The following CATSPERB variants were observed in gnomAD, a reference collection of about 807,000 sequenced individuals.
CATSPERB encodes cation channel sperm-associated auxiliary subunit beta.
Under a neutral mutation model 128.3 loss-of-function variants are expected in CATSPERB, and 93 were observed. That is an observed-to-expected ratio of 0.72 (90% confidence interval 0.61 to 0.86). CATSPERB has a LOEUF of 0.86. CATSPERB is among the 40% of genes least tolerant of loss of function. The pLI, the probability that CATSPERB is intolerant of heterozygous loss-of-function variation, is 0.00. For missense variants in CATSPERB, 1,153 were observed against 1,329.5 expected (o/e 0.87, Z 2.06); for synonymous variants, 381 against 448.8 (o/e 0.85, Z 1.91).
At chr14:91,608,870 G>GT (rs916501177) in intron 21 of CATSPERB, among the ~76,000 whole-genome samples, 14 of 152,126 alleles carry the variant, frequency 9.2e-5, no homozygotes, top group African/African-American at 3.4e-4. Flanking sequence ...CAACACAGGG[G>GT]TTAGGGGTGC....
At chr14:91,621,572 T>C (rs1894041994) in intron 19 of CATSPERB, 36 bp downstream of exon 19, 1 of 1,427,184 alleles carries the variant, frequency 7.0e-7, no homozygotes. Context: ...AGAAATAACA[T>C]TTCCTTTTTA....
intron 22 of CATSPERB, chr14:91,603,041 C>T (rs376511640): frequency 1.5e-4 from 121 of 780,706 alleles, no homozygotes; most frequent in East Asian, 9.0e-4. Context: ...TGTGCCTTTG[C>T]CTGTGTCTTT....
At position 91,615,424 on chromosome 14, in the gene CATSPERB, T is replaced by C. The variant is rs1441816725; in HGVS notation, c.2400+2173A>G. On this transcript the variant is annotated intron_variant, in intron 20 of 26. Coordinates refer to ENST00000256343, the MANE Select transcript of CATSPERB (RefSeq NM_024764.4). ...AAACTGGTTCCTGGTGCCAAAAAGGTTGGAGACCACTGTTGTACCCCTTGA... is the reference window on the plus strand; with the variant it reads ...AAACTGGTTCCTGGTGCCAAAAAGGCTGGAGACCACTGTTGTACCCCTTGA... Among the ~76,000 whole-genome samples, 7 of 152,320 alleles carry C rather than the reference T, an allele frequency of 4.6e-5. No homozygotes were observed. In the East Asian group the frequency reaches 1.2e-3, roughly 25 times the overall value.
chr14:91,657,884 G>A (rs1487699340), intron 15 of CATSPERB, among the ~76,000 whole-genome samples: 3 of 152,148 alleles, frequency 2.0e-5, no homozygotes, highest in African/African-American at 7.2e-5. Context: ...TGCTGGTGAG[G>A]ATGTGGAGAA....
chr14:91,686,513 A>T (rs1895378016), intron 10 of CATSPERB, among the ~76,000 whole-genome samples: 1 of 152,130 alleles, frequency 6.6e-6, no homozygotes, highest in Admixed American at 6.6e-5. Context: ...ACTCTTAAAA[A>T]TAATTTCACT....
At chr14:91,604,951 C>T in intron 22 of CATSPERB, 1 of 1,179,786 alleles carries the variant, frequency 8.5e-7, no homozygotes, top group Non-Finnish European at 1.3e-6. Context: ...CTTGCATCTG[C>T]TGGAGGCTGA....
chr14:91,587,074 C>T (rs1595135298), intron 26 of CATSPERB, 128 bp downstream of exon 26: 1 of 660,304 alleles, frequency 1.5e-6, no homozygotes, highest in Non-Finnish European at 2.6e-6. Flanking sequence ...CCTTCAGGAT[C>T]CCCTGTCTTT....
intron 10 of CATSPERB, among the ~76,000 whole-genome samples, chr14:91,689,147 AG>A (rs2139843338): frequency 6.6e-6 from 1 of 152,318 alleles, no homozygotes; most frequent in South Asian, 2.1e-4. Flanking sequence ...AGGCACAGGG[AG>A]AATGCAGCTC....
In CATSPERB at chr14:91,704,558, C is replaced by T; in HGVS notation, c.610G>A (p.Val204Ile). ...ALLGFIVDTIVDGVYIGITFG... is the reference protein window; with the variant it reads ...ALLGFIVDTIIDGVYIGITFG... ...AATGAAGCTGTAGACCTACCATCAA[C>T]TATTGTATCCACAATGAAGCCTAGT... Residue 204 changes from valine to isoleucine, a missense_variant, in exon 7 of 27, where the codon GTT becomes ATT. By Grantham distance (29) the Val-to-Ile change is conservative (BLOSUM62 3). Transcript: ENST00000256343. 1 of 1,612,016 alleles carries T rather than the reference C, an allele frequency of 6.2e-7. No homozygotes were observed. The highest frequency in any genetic ancestry group is 1.1e-5 in the South Asian group (1 of 90,426).
chr14:91,674,302 T>C, intron 11 of CATSPERB, 80 bp from the exon 12 acceptor site: 1 of 778,184 alleles, frequency 1.3e-6, no homozygotes, highest in Non-Finnish European at 2.1e-6. Context: ...TTAATAGTCT[T>C]CATGAAAATC....
chr14:91,650,585 C>G (rs1380818254), intron 15 of CATSPERB, among the ~76,000 whole-genome samples: 1 of 152,112 alleles, frequency 6.6e-6, no homozygotes, highest in South Asian at 2.1e-4. Flanking sequence ...TTTCCCATTT[C>G]GAAGAGTGTT....
chr14:91,600,265 G>A (rs1178412740), intron 22 of CATSPERB, among the ~76,000 whole-genome samples: 1 of 151,942 alleles, frequency 6.6e-6, no homozygotes, highest in South Asian at 2.1e-4. Context: ...CCACATTCTC[G>A]CCAACAATTA....
chr14:91,722,249 G>A (rs1896047672), intron 4 of CATSPERB, among the ~76,000 whole-genome samples: 1 of 152,178 alleles, frequency 6.6e-6, no homozygotes, highest in Non-Finnish European at 1.5e-5. Context: ...AATGTTCACA[G>A]CAGCATTATT....
At position 91,608,346 on chromosome 14, in the gene CATSPERB, T is replaced by C. The variant is rs1265157715; in HGVS notation, c.2657A>G (p.Tyr886Cys). The change falls in exon 22 of 27, where the codon TAT becomes TGT. Residue 886 changes from tyrosine to cysteine, a missense_variant. Tyr to Cys is a radical substitution (Grantham distance 194, BLOSUM62 -2). Transcript: ENST00000256343. ...GIAIPLTDNF[Y>C]HADPSKPIPR... Reference sequence around the variant, plus strand: ...TATGGGTTTGCTAGGATCTGCATGATAAAAATTATCTGTGAGTGGAATAGC... The same window carrying C: ...TATGGGTTTGCTAGGATCTGCATGACAAAAATTATCTGTGAGTGGAATAGC... The C allele has an allele frequency of 3.7e-6, 6 of 1,612,924 alleles. No individual in the cohort carries two copies. Among genetic ancestry groups the C allele is most frequent in the Non-Finnish European group, 5.1e-6 (6 of 1,179,166 alleles).
At chr14:91,716,631 GC>G (rs1160691206) in intron 5 of CATSPERB, among the ~76,000 whole-genome samples, 1 of 151,370 alleles carries the variant, frequency 6.6e-6, no homozygotes. Flanking sequence ...ACAATTAAAT[GC>G]CACTACACTT....
At chr14:91,640,679 A>G (rs1595159707) in intron 15 of CATSPERB, among the ~76,000 whole-genome samples, 2 of 75,678 alleles carry the variant, frequency 2.6e-5, no homozygotes, top group Non-Finnish European at 2.6e-5. Context: ...AGTCTTTGCT[A>G]TTGTGAATAA....
At chr14:91,629,922 C>T (rs1269104642) in intron 17 of CATSPERB, among the ~76,000 whole-genome samples, 1 of 152,126 alleles carries the variant, frequency 6.6e-6, no homozygotes, top group Non-Finnish European at 1.5e-5. Flanking sequence ...AGAGGAACAA[C>T]TGTTGAGTGG....
chr14:91,656,724 A>AT (rs1176962845), intron 15 of CATSPERB, among the ~76,000 whole-genome samples: 23 of 151,994 alleles, frequency 1.5e-4, no homozygotes, highest in East Asian at 5.8e-4. Flanking sequence ...GCCTGAATGG[A>AT]TTTTTTTTAA....
intron 26 of CATSPERB, among the ~76,000 whole-genome samples, chr14:91,581,894 T>G (rs934492742): frequency 6.6e-6 from 1 of 152,110 alleles, no homozygotes; most frequent in African/African-American, 2.4e-5. Flanking sequence ...ACTAGGACAG[T>G]AGGGAATGTG....
Sources: allele counts gnomAD v4.1 joint callset (sites outside exome capture counted in the v4.1 genomes callset), GRCh38; gene constraint gnomAD v4.1.1; transcripts MANE v1.5; gene names NCBI Gene and HGNC (gene_info 2026-07-23, HGNC 2026-07-21).